Variants in SCAPER observed in about 807,000 individuals in gnomAD.
SCAPER encodes S-phase cyclin A associated protein in the ER.
A neutral mutation model predicts 182.2 loss-of-function variants in SCAPER; 98 were observed. The observed-to-expected ratio is 0.54, with a 90% CI of 0.46 to 0.64. The LOEUF is 0.64. SCAPER is among the 30% of genes least tolerant of loss of function. The pLI is 0.00. For missense variants in SCAPER, 1,432 were observed against 1,690.0 expected, an observed-to-expected ratio of 0.85 and a Z score of 2.68; for synonymous variants, 605 against 564.6, an observed-to-expected ratio of 1.07 and a Z score of -1.01.
rs191523703 is a variant in SCAPER at position 76,627,995 on chromosome 15, G to A, written c.2646-6166C>T. ...ATAATTGCCATTCTGACCGGCATGAGATGGTATCTCATTGTGGTTTTGATT... is the reference window on the plus strand; with the variant it reads ...ATAATTGCCATTCTGACCGGCATGAAATGGTATCTCATTGTGGTTTTGATT... On this transcript the variant is annotated intron_variant, in intron 21 of 31. Transcript: ENST00000563290. Among the ~76,000 whole-genome samples, 7 of 152,304 alleles carry A rather than the reference G, an allele frequency of 4.6e-5. 1 individual carries two copies. The East Asian group carries it at 1.2e-3, about 25-fold the overall frequency.
intron 20 of SCAPER, among the ~76,000 whole-genome samples, chr15:76,696,170 A>G (rs1335706082): frequency 1.3e-5 from 2 of 152,232 alleles, no homozygotes; most frequent in African/African-American, 2.4e-5. Flanking sequence ...AGACTACCAT[A>G]ATTCTGGCAA....
chr15:76,795,253 CA>C, intron 8 of SCAPER, 26 bp downstream of exon 8: 1 of 1,597,920 alleles, frequency 6.3e-7, no homozygotes, highest in African/African-American at 1.3e-5. Flanking sequence ...GTTTACTACA[CA>C]AAATGGCTAA....
intron 27 of SCAPER, among the ~76,000 whole-genome samples, chr15:76,393,990 C>A (rs908778186): frequency 6.6e-6 from 1 of 152,174 alleles, no homozygotes; most frequent in Non-Finnish European, 1.5e-5. Flanking sequence ...CCATCCTCTC[C>A]GTACCTTAAA....
chr15:76,529,236 G>C (rs1370009674), intron 23 of SCAPER, among the ~76,000 whole-genome samples: 1 of 152,140 alleles, frequency 6.6e-6, no homozygotes, highest in Non-Finnish European at 1.5e-5. Context: ...AGGAGAGACA[G>C]GGTTTTGCCA....
chr15:76,883,952 C>G, intron 1 of SCAPER, 76 bp from the exon 2 acceptor site: 6 of 702,438 alleles, frequency 8.5e-6, no homozygotes, highest in South Asian at 2.1e-5. Flanking sequence ...AGATACAAAT[C>G]TCATCCCCAC....
chr15:76,844,804 C>T (rs1276880342), intron 4 of SCAPER, among the ~76,000 whole-genome samples: 1 of 152,072 alleles, frequency 6.6e-6, no homozygotes, highest in Non-Finnish European at 1.5e-5. Context: ...GAACTAGTAC[C>T]AATCCTACTC....
chr15:76,832,672 C>T (rs1211790619), intron 5 of SCAPER, among the ~76,000 whole-genome samples: 2 of 152,130 alleles, frequency 1.3e-5, no homozygotes, highest in East Asian at 3.9e-4. Context: ...CCTTTATGAA[C>T]GGCTTAGCAC....
chr15:76,642,594 G>A (rs892060205), intron 21 of SCAPER, among the ~76,000 whole-genome samples: 2 of 152,002 alleles, frequency 1.3e-5, no homozygotes, highest in Admixed American at 1.3e-4. Context: ...TATTCACCAT[G>A]TTCTCAACCT....
intron 24 of SCAPER, among the ~76,000 whole-genome samples, chr15:76,477,050 C>G (rs1237713018): frequency 6.6e-6 from 1 of 151,972 alleles, no homozygotes. Context: ...ATTTGGAAAA[C>G]TTAGGTGTTG....
At chr15:76,591,736 A>AAT (rs1001911874) in intron 22 of SCAPER, among the ~76,000 whole-genome samples, 6 of 152,198 alleles carry the variant, frequency 3.9e-5, no homozygotes, top group African/African-American at 7.2e-5. Flanking sequence ...TGCCAATCAA[A>AAT]ATATATATAT....
At chr15:76,448,856 C>G (rs1412372514) in intron 25 of SCAPER, among the ~76,000 whole-genome samples, 1 of 152,064 alleles carries the variant, frequency 6.6e-6, no homozygotes, top group Non-Finnish European at 1.5e-5. Context: ...AGAATGGATG[C>G]AGACAGCTCT....
intron 23 of SCAPER, among the ~76,000 whole-genome samples, chr15:76,515,508 G>A (rs891165244): frequency 2.0e-5 from 3 of 152,112 alleles, no homozygotes; most frequent in African/African-American, 7.2e-5. Flanking sequence ...AAGAAAATTT[G>A]CTTTGGGCAA....
At chr15:76,761,131 T>C (rs1215058241) in intron 14 of SCAPER, among the ~76,000 whole-genome samples, 2 of 152,190 alleles carry the variant, frequency 1.3e-5, no homozygotes, top group South Asian at 2.1e-4. Context: ...GGTTATCCAA[T>C]TTGGTGCCAT....
At chr15:76,819,380 A>C (rs965731120) in intron 5 of SCAPER, among the ~76,000 whole-genome samples, 14 of 152,168 alleles carry the variant, frequency 9.2e-5, no homozygotes, top group Admixed American at 2.6e-4. Context: ...TACTCCTCTG[A>C]GACAAAACTT....
intron 23 of SCAPER, among the ~76,000 whole-genome samples, chr15:76,573,673 T>C (rs1597453847): frequency 1.3e-5 from 2 of 152,220 alleles, no homozygotes; most frequent in Admixed American, 6.5e-5. Flanking sequence ...CATTTTCCTA[T>C]AGTGAATAAT....
intron 21 of SCAPER, among the ~76,000 whole-genome samples, chr15:76,622,454 T>C (rs2052175952): frequency 6.7e-6 from 1 of 149,944 alleles, no homozygotes; most frequent in African/African-American, 2.5e-5. Flanking sequence ...GTGAGAAAAA[T>C]GCAAATTACA....
rs373042380 is a variant in SCAPER, at chr15:76,603,778, A to C, written c.2711+17986T>G. 5.9e-4 allele frequency among the ~76,000 whole-genome samples: 72 copies of C among 121,794 alleles called. 18 individuals are homozygous for C. In the East Asian group the frequency reaches 5.9e-3, roughly 10 times the overall value. 79.9% of individuals were successfully genotyped at this position (121,794 alleles called of 152,430 possible). On this transcript the variant is annotated intron_variant, in intron 22 of 31. Transcript: ENST00000563290. Reference sequence around the variant, plus strand: ...GTTTTGATTTGCATTTCTCTGATGGACAGTGATGATGAGCATTTTTTCATG... The same window carrying C: ...GTTTTGATTTGCATTTCTCTGATGGCCAGTGATGATGAGCATTTTTTCATG...
In SCAPER at chr15:76,362,574, G is replaced by A. The variant is rs1253650993; in HGVS notation, c.3856-8434C>T. Among the ~76,000 whole-genome samples the A allele has an allele frequency of 6.0e-5, 9 of 150,938 alleles. No individual in the cohort carries two copies. In the East Asian group the frequency reaches 6.0e-4, roughly 10 times the overall value. On this transcript the variant is annotated intron_variant, in intron 29 of 31. Transcript: ENST00000563290. ...ATTACAGGCAGGTGCCACCATGCCCGGCTAATTTTTTTATCCTTAGTAGAG... is the reference window on the plus strand; with the variant it reads ...ATTACAGGCAGGTGCCACCATGCCCAGCTAATTTTTTTATCCTTAGTAGAG...
intron 29 of SCAPER, among the ~76,000 whole-genome samples, chr15:76,361,198 C>T (rs953790874): frequency 1.3e-5 from 2 of 152,056 alleles, no homozygotes; most frequent in African/African-American, 4.8e-5. Context: ...GAGTCTATCA[C>T]GTTGTATAAA....
Sources: gnomAD v4.1 joint callset for allele counts (sites outside exome capture counted in the v4.1 genomes callset) on GRCh38, gnomAD v4.1.1 for gene constraint, MANE v1.5 for transcripts, NCBI Gene and HGNC (gene_info 2026-07-23, HGNC 2026-07-21) for gene names.